SRMS: variants seen among roughly 807,000 people sequenced by gnomAD.
SRMS encodes the protein tyrosine-protein kinase Srms.
In SRMS, 42 loss-of-function variants were observed where a neutral mutation model predicts 43.5. The ratio of observed to expected loss-of-function variants is 0.97; its 90% CI spans 0.75 to 1.25. The LOEUF is 1.25. Ranked by LOEUF, SRMS falls within the 50% of genes most tolerant of loss-of-function variation. The probability of loss-of-function intolerance (pLI) is 0.00; values close to 1 mark genes in which losing one functional copy is unlikely to be tolerated. For missense variants in SRMS, 703 were observed against 681.0 expected, an observed-to-expected ratio of 1.03 and a Z score of -0.36; for synonymous variants, 316 against 308.2, an observed-to-expected ratio of 1.03 and a Z score of -0.27.
In SRMS at chr20:63,543,412, TCTG is replaced by T; in HGVS notation, c.544_546del (p.Gln182del). The T allele has an allele frequency of 6.2e-7, 1 of 1,612,816 alleles. No homozygotes were observed. Among genetic ancestry groups the T allele is most frequent in the Non-Finnish European group, 8.5e-7 (1 of 1,179,948 alleles). On this transcript the variant is annotated inframe_deletion, in exon 3 of 8. Coordinates refer to ENST00000217188, the MANE Select transcript of SRMS (RefSeq NM_080823.4). ...TCCAGGCCGGGAAAGAGCCGTCCCT[TCTG>T]CAGGTAGAGGCTGCCATCAGCTGCC...
chr20:63,543,028 C>G (rs1192132148), intron 3 of SRMS, among the ~76,000 whole-genome samples: 4 of 152,168 alleles, frequency 2.6e-5, no homozygotes, highest in African/African-American at 9.7e-5. Context: ...CCAAACTGGC[C>G]CCACCCTCCT....
chr20:63,540,773 G>A lies in SRMS; in HGVS notation c.*45C>T, dbSNP rs368457268. ...TCGAGTTGGCGCTCTGCAGGGAGGA[G>A]GGGCTGGCCTGGCTGGAGCCCAGAG... is the stretch of plus-strand genomic sequence containing the variant. On this transcript the variant is annotated 3_prime_UTR_variant, in exon 8 of 8. Coordinates refer to ENST00000217188, the MANE Select transcript of SRMS (RefSeq NM_080823.4). The A allele has an allele frequency of 6.5e-7, 1 of 1,546,788 alleles. No individual in the cohort carries two copies. Among genetic ancestry groups the A allele is most frequent in the Non-Finnish European group, 8.7e-7 (1 of 1,148,920 alleles).
At position 63,542,283 on chromosome 20, in the gene SRMS, T is replaced by C. The variant is rs778918320; in HGVS notation, c.826A>G (p.Thr276Ala). Residue 276 changes from threonine to alanine, a missense_variant, in exon 5 of 8, where the codon ACA (threonine) becomes GCA (alanine). Coordinates refer to ENST00000217188, the MANE Select transcript of SRMS (RefSeq NM_080823.4). The stretch of plus-strand genomic sequence containing the variant: ...CGCTCGTGCCGCAGGCCCTTCAGTG[T>C]CTGGATCTCCTTGGCGAGGTCAGTG... ...KLTDLAKEIQTLKGLRHERLI... is the reference protein window; with the variant it reads ...KLTDLAKEIQALKGLRHERLI... The C allele has an allele frequency of 1.2e-6, 2 of 1,612,266 alleles. No individual in the cohort carries two copies. The highest frequency in any genetic ancestry group is 2.2e-5 in the South Asian group (2 of 91,060).
In SRMS at chr20:63,543,296, T is replaced by C. The variant is rs775939403; in HGVS notation, c.645+18A>G. 18 of 1,610,442 alleles carry C rather than the reference T, an allele frequency of 1.1e-5. No homozygotes were observed. The highest frequency in any genetic ancestry group is 1.5e-5 in the Non-Finnish European group (18 of 1,179,240). Reference sequence around the variant, plus strand: ...GCCTCGGGCCCAGCATGGGGCAGCTTGGCAGGCACAGGCCCACCTGGGGCA... The same window carrying C: ...GCCTCGGGCCCAGCATGGGGCAGCTCGGCAGGCACAGGCCCACCTGGGGCA... On this transcript the variant is annotated intron_variant, in intron 3 of 7. Transcript: ENST00000217188.
At chr20:63,541,732 G>A in intron 5 of SRMS, 112 bp from the exon 6 acceptor site, 2 of 1,311,470 alleles carry the variant, frequency 1.5e-6, no homozygotes, top group Middle Eastern at 2.7e-4. Context: ...CTAAGACGTG[G>A]CGAGGATGGC....
At position 63,542,236 on chromosome 20, in the gene SRMS, C is replaced by T. The variant is rs951689981; in HGVS notation, c.873G>A (p.Val291=). ...RHERLIRLHA[V]CSGGEPVYIV... The stretch of plus-strand genomic sequence containing the variant: ...TGTACACAGGCTCCCCGCCCGAGCA[C>T]ACTGCGTGCAGCCGGATGAGCCGCT... Residue 291 remains valine, a synonymous_variant, in exon 5 of 8, where the codon GTG becomes GTA. Transcript: ENST00000217188. 2 of 1,612,768 alleles carry T rather than the reference C, an allele frequency of 1.2e-6. No homozygotes were observed. Among genetic ancestry groups the T allele is most frequent in the African/African-American group, 2.7e-5 (2 of 75,070 alleles).
chr20:63,543,504 A>AC, intron 2 of SRMS, 24 bp from the exon 3 acceptor site: 1 of 1,606,672 alleles, frequency 6.2e-7, no homozygotes, highest in Admixed American at 1.7e-5. Flanking sequence ...AGAGATGGAG[A>AC]CCCCTGCCTT....
chr20:63,541,304 T>C lies in SRMS; in HGVS notation c.1172A>G (p.Lys391Arg), dbSNP rs190843817. ...ATTGGCCGCCTCAGGCGCTGTCCACTTGACCGGGATCTTGGAGCTGCTGCT... is the reference window on the plus strand; with the variant it reads ...ATTGGCCGCCTCAGGCGCTGTCCACCTGACCGGGATCTTGGAGCTGCTGCT... ...SPSSSSKIPV[K>R]WTAPEAANYR... The change falls in exon 7 of 8, where the codon AAG becomes AGG. Residue 391 changes from lysine (K) to arginine (R), a missense_variant. By Grantham distance (26) the Lys-to-Arg change is conservative. Coordinates refer to ENST00000217188, the MANE Select transcript of SRMS (RefSeq NM_080823.4). The C allele has an allele frequency of 3.2e-6, 5 of 1,551,424 alleles. No individual in the cohort carries two copies. Among genetic ancestry groups the C allele is most frequent in the South Asian group, 1.2e-5 (1 of 82,332 alleles).
chr20:63,543,567 C>T, intron 2 of SRMS, 87 bp from the exon 3 acceptor site: 1 of 1,497,256 alleles, frequency 6.7e-7, no homozygotes, highest in Admixed American at 1.9e-5. Flanking sequence ...CCACAACCCA[C>T]TAAGGGGTCT....
At chr20:63,543,568 T>C in intron 2 of SRMS, 88 bp from the exon 3 acceptor site, 1 of 1,473,116 alleles carries the variant, frequency 6.8e-7, no homozygotes, top group Non-Finnish European at 9.2e-7. Flanking sequence ...CACAACCCAC[T>C]AAGGGGTCTG....
chr20:63,539,814 A>G lies in SRMS; in HGVS notation c.*1004T>C, dbSNP rs1376299703. 6.6e-6 allele frequency among the ~76,000 whole-genome samples: 1 copy of G among 151,938 alleles called. No homozygotes were observed. Among genetic ancestry groups the G allele is most frequent in the Non-Finnish European group, 1.5e-5 (1 of 67,986 alleles). On this transcript the variant is annotated 3_prime_UTR_variant, in exon 8 of 8. Coordinates refer to ENST00000217188, the MANE Select transcript of SRMS (RefSeq NM_080823.4). ...CCCAACCGACCCTGCCTGACCCTGC[A>G]CAGGCAGAAGACTCCAAATCCCCCA...
rs368421364 is a variant in SRMS at position 63,540,855 on chromosome 20, C to T, written c.1430G>A (p.Arg477Gln). The change falls in exon 8 of 8, where the codon CGG becomes CAG. Residue 477 changes from arginine (R) to glutamine (Q), a missense_variant. Coordinates refer to ENST00000217188, the MANE Select transcript of SRMS (RefSeq NM_080823.4). ...TCTGTGGATGGCGTGCAGCTTCTCC[C>T]GCAGCGTGGCGAAGGAGGGCCGTTC... ...PEERPSFATL[R>Q]EKLHAIHRCH... 8.7e-6 allele frequency: 14 copies of T among 1,605,524 alleles called. No individual in the cohort carries two copies. The highest frequency in any genetic ancestry group is 3.3e-5 in the Admixed American group (2 of 59,958).
At chr20:63,544,509 C>G (rs2082720782) in intron 1 of SRMS, among the ~76,000 whole-genome samples, 161 bp from the exon 2 acceptor site, 1 of 152,224 alleles carries the variant, frequency 6.6e-6, no homozygotes, top group Non-Finnish European at 1.5e-5. Flanking sequence ...TCTGCACTGC[C>G]TCAGCCCCCA....
At chr20:63,543,188 C>T in intron 3 of SRMS, 126 bp downstream of exon 3, 1 of 1,198,156 alleles carries the variant, frequency 8.3e-7, no homozygotes, top group Non-Finnish European at 1.2e-6. Flanking sequence ...GCTCCCAGGC[C>T]TGGGCAGGGC....
intron 3 of SRMS, among the ~76,000 whole-genome samples, chr20:63,542,989 G>A (rs1403584492): frequency 1.3e-5 from 2 of 152,186 alleles, no homozygotes; most frequent in East Asian, 1.9e-4. Flanking sequence ...TTCCGCCCTT[G>A]GGGCCTGGGG....
Position 63,544,470 on chromosome 20 carries a change from C to T in SRMS, c.357-122G>A, listed in dbSNP as rs968062487. On this transcript the variant is annotated intron_variant, in intron 1 of 7. Transcript: ENST00000217188. Reference sequence around the variant, plus strand: ...CCCACCGCCTCAGGGAGAAGGTCCACCCCGTGGACTTTGAGTCCCAGCTCA... The same window carrying T: ...CCCACCGCCTCAGGGAGAAGGTCCATCCCGTGGACTTTGAGTCCCAGCTCA... The T allele has an allele frequency of 9.4e-6, 12 of 1,269,940 alleles. No individual in the cohort carries two copies. The African/African-American group carries it at 1.7e-4, about 18-fold the overall frequency. The allele number at this position is 1,269,940 out of a possible 1,614,324, so 78.7% of individuals were successfully genotyped here. A position where few individuals can be genotyped will look rare whatever the true frequency, so the allele number is the denominator to read the frequency against.
At position 63,538,678 on chromosome 20, in the gene SRMS, C is replaced by T. The variant is rs1719995409; in HGVS notation, c.*2140G>A. Among the ~76,000 whole-genome samples the T allele has an allele frequency of 7.2e-6, 1 of 139,534 alleles. No homozygotes were observed. 91.5% of individuals were successfully genotyped at this position (139,534 alleles called of 152,430 possible). On this transcript the variant is annotated 3_prime_UTR_variant, in exon 8 of 8. Transcript: ENST00000217188. Reference sequence around the variant, plus strand: ...CTGGGCAGTGTCCCTCAGGCCCTCCCAGCTCTGTCTGGGGTCGGTTGGGGA... The same window carrying T: ...CTGGGCAGTGTCCCTCAGGCCCTCCTAGCTCTGTCTGGGGTCGGTTGGGGA...
At position 63,547,253 on chromosome 20, in the gene SRMS, T is replaced by G; in HGVS notation, c.211A>C (p.Ser71Arg). The change falls in exon 1 of 8, where the codon AGT becomes CGT. Residue 71 changes from serine to arginine, a missense_variant. By Grantham distance (110) the Ser-to-Arg change is moderately radical (BLOSUM62 -1). Coordinates refer to ENST00000217188, the MANE Select transcript of SRMS (RefSeq NM_080823.4). ...CAGAGCCTGTCCCCGCGGCGGACAC[T>G]CAGCTCCCCGCCACACCGCGCCGTG... is the stretch of plus-strand genomic sequence containing the variant. Reference protein sequence around the residue: ...DFTARCGGELSVRRGDRLCAL... With the variant: ...DFTARCGGELRVRRGDRLCAL... 1 of 1,606,710 alleles carries G rather than the reference T, an allele frequency of 6.2e-7. No homozygotes were observed. The highest frequency in any genetic ancestry group is 8.5e-7 in the Non-Finnish European group (1 of 1,176,640).
At chr20:63,546,742 G>T (rs771003618) in intron 1 of SRMS, among the ~76,000 whole-genome samples, 5 of 151,706 alleles carry the variant, frequency 3.3e-5, no homozygotes, top group Non-Finnish European at 7.4e-5. Context: ...TGCCCTCCAA[G>T]CAGTGACCGA....
Sources: allele counts gnomAD v4.1 joint callset (sites outside exome capture counted in the v4.1 genomes callset), GRCh38; gene constraint gnomAD v4.1.1; transcripts MANE v1.5; gene names NCBI Gene and HGNC (gene_info 2026-07-23, HGNC 2026-07-21).